Variants in APBB2 observed in about 807,000 individuals in gnomAD.
The protein encoded by APBB2 is Fe65-like 1.
In APBB2, 38 loss-of-function variants were observed where a neutral mutation model predicts 82.5. The observed-to-expected ratio is 0.46, with a 90% CI of 0.36 to 0.60. The LOEUF is 0.60. Among genes scored for constraint, APBB2 ranks in the 20% least tolerant of loss-of-function variants. APBB2 has a pLI of 0.00. For synonymous variants in APBB2, 341 were observed against 368.2 expected (o/e 0.93, Z 0.85); for missense variants, 772 against 972.3 (o/e 0.79, Z 2.74).
chr4:41,206,935 T>C (rs1204108510), intron 1 of APBB2, among the ~76,000 whole-genome samples: 1 of 152,062 alleles, frequency 6.6e-6, no homozygotes, highest in Non-Finnish European at 1.5e-5. Flanking sequence ...AGAGGACCCA[T>C]ACCTGTAATC....
chr4:41,101,418 T>C (rs1338982870), intron 2 of APBB2, among the ~76,000 whole-genome samples: 2 of 125,838 alleles, frequency 1.6e-5, no homozygotes, highest in African/African-American at 3.1e-5. Context: ...GAGCCGAGAT[T>C]GCGCCACTGC....
At chr4:41,205,412 TAGAC>T (rs1408159046) in intron 1 of APBB2, among the ~76,000 whole-genome samples, 4 of 152,056 alleles carry the variant, frequency 2.6e-5, no homozygotes, top group Admixed American at 6.5e-5. Flanking sequence ...ATTCCCAAAA[TAGAC>T]AGAGCTAAGG....
At chr4:41,006,717 C>T (rs990223228) in intron 6 of APBB2, among the ~76,000 whole-genome samples, 8 of 152,176 alleles carry the variant, frequency 5.3e-5, no homozygotes, top group African/African-American at 9.7e-5. Context: ...CCAACCTCCT[C>T]GGCCTCCGAA....
At chr4:41,085,250 C>CA (rs71198629) in intron 3 of APBB2, among the ~76,000 whole-genome samples, 15,644 of 65,718 alleles carry the variant, frequency 0.24, 1,537 homozygotes, top group Middle Eastern at 0.32. Context: ...GACTCTGTCT[C>CA]AAAAAAAAAA....
At chr4:41,060,202 C>G (rs1334158492) in intron 4 of APBB2, among the ~76,000 whole-genome samples, 1 of 152,020 alleles carries the variant, frequency 6.6e-6, no homozygotes, top group Non-Finnish European at 1.5e-5. Flanking sequence ...ACTGGCAAAA[C>G]CTGTGCCCAA....
At chr4:40,851,862 C>G (rs1759572241) in intron 12 of APBB2, among the ~76,000 whole-genome samples, 1 of 151,128 alleles carries the variant, frequency 6.6e-6, no homozygotes, top group African/African-American at 2.4e-5. Flanking sequence ...GCAGAGAATC[C>G]TATCAGAAAC....
intron 6 of APBB2, among the ~76,000 whole-genome samples, chr4:40,969,591 G>A (rs1795464596): frequency 6.6e-6 from 1 of 152,154 alleles, no homozygotes; most frequent in Non-Finnish European, 1.5e-5. Flanking sequence ...ATATAATTAT[G>A]AATTCTGCAT....
rs1024434095 is a variant in APBB2, at chr4:40,811,616, G to C, written c.*4476C>G. 4.6e-5 allele frequency: 7 copies of C among 151,424 alleles called. No homozygotes were observed. Among genetic ancestry groups the C allele is most frequent in the African/African-American group, 1.7e-4 (7 of 41,202 alleles). The allele number at this position is 151,424 out of a possible 1,614,324, so 9.4% of individuals were successfully genotyped here. On this transcript the variant is annotated 3_prime_UTR_variant, in exon 18 of 18. Coordinates refer to ENST00000508593, the MANE Select transcript of APBB2 (RefSeq NM_004307.2). ...TTGATTCCACTGACATGTTTCATTTGGCATTTTACATTCTTGGACTTCTTC... is the reference window on the plus strand; with the variant it reads ...TTGATTCCACTGACATGTTTCATTTCGCATTTTACATTCTTGGACTTCTTC...
At chr4:40,838,337 T>A (rs1168889823) in intron 12 of APBB2, among the ~76,000 whole-genome samples, 1 of 138,214 alleles carries the variant, frequency 7.2e-6, no homozygotes, top group Non-Finnish European at 1.6e-5. Flanking sequence ...TAATTTTTTT[T>A]TTTTTTTTTT....
At chr4:40,952,809 T>A (rs1790569934) in intron 6 of APBB2, among the ~76,000 whole-genome samples, 1 of 152,186 alleles carries the variant, frequency 6.6e-6, no homozygotes, top group South Asian at 2.1e-4. Flanking sequence ...CTAGTAACAG[T>A]AACAGCAACA....
At chr4:40,921,201 T>C (rs1049382695) in intron 10 of APBB2, among the ~76,000 whole-genome samples, 2 of 152,202 alleles carry the variant, frequency 1.3e-5, no homozygotes, top group Non-Finnish European at 2.9e-5. Flanking sequence ...TTTGTGCCCA[T>C]ACATGCTAAA....
chr4:40,894,055 G>A (rs1453478681), intron 10 of APBB2, among the ~76,000 whole-genome samples: 3 of 152,164 alleles, frequency 2.0e-5, no homozygotes, highest in East Asian at 1.9e-4. Context: ...TTGGGAGGCC[G>A]AGGTAGGCAG....
chr4:41,171,889 G>A (rs558464236), intron 1 of APBB2, among the ~76,000 whole-genome samples: 62 of 152,238 alleles, frequency 4.1e-4, no homozygotes, highest in Middle Eastern at 3.4e-3. Context: ...CTGAGGTCAG[G>A]AGTTTGAGAC....
chr4:40,991,175 CTTTTT>C (rs58342460), intron 6 of APBB2, among the ~76,000 whole-genome samples: 3 of 90,490 alleles, frequency 3.3e-5, no homozygotes, highest in African/African-American at 4.3e-5. Flanking sequence ...GTGTGTTTTG[CTTTTT>C]TTTTTTTTTT....
intron 3 of APBB2, among the ~76,000 whole-genome samples, chr4:41,077,463 G>A (rs1391121347): frequency 6.6e-6 from 1 of 151,856 alleles, no homozygotes; most frequent in African/African-American, 2.4e-5. Flanking sequence ...GAACACTGGG[G>A]GATTTTTAAA....
At chr4:41,054,434 C>T (rs1453477549) in intron 4 of APBB2, among the ~76,000 whole-genome samples, 1 of 152,090 alleles carries the variant, frequency 6.6e-6, no homozygotes, top group Non-Finnish European at 1.5e-5. Flanking sequence ...GATCTCCACA[C>T]CACCCTGAAT....
intron 12 of APBB2, among the ~76,000 whole-genome samples, chr4:40,855,735 CAA>C (rs33994756): frequency 0.26 from 38,556 of 146,014 alleles, 5,581 homozygotes; most frequent in African/African-American, 0.4. Context: ...GACTCTGTCT[CAA>C]AAAAAAAAAC....
At chr4:41,158,951 T>C (rs570231438) in intron 1 of APBB2, among the ~76,000 whole-genome samples, 2 of 152,268 alleles carry the variant, frequency 1.3e-5, no homozygotes, top group East Asian at 3.9e-4. Flanking sequence ...TCCTAGTCTA[T>C]GACCTGGGCT....
intron 10 of APBB2, among the ~76,000 whole-genome samples, chr4:40,900,974 T>C (rs1775113361): frequency 6.6e-6 from 1 of 152,198 alleles, no homozygotes; most frequent in Admixed American, 6.5e-5. Flanking sequence ...CATATTCGTT[T>C]GGCTGCCACA....
Sources: gnomAD v4.1 joint callset for allele counts (sites outside exome capture counted in the v4.1 genomes callset) on GRCh38, gnomAD v4.1.1 for gene constraint, MANE v1.5 for transcripts, NCBI Gene and HGNC (gene_info 2026-07-23, HGNC 2026-07-21) for gene names.